RAD50: variants seen among roughly 807,000 people sequenced by gnomAD.
RAD50 encodes the protein DNA repair protein RAD50.
A neutral mutation model predicts 168.8 loss-of-function variants in RAD50; 132 were observed. The ratio of observed to expected loss-of-function variants is 0.78; its 90% CI spans 0.68 to 0.90. The LOEUF is 0.90. RAD50 is among the 40% of genes least tolerant of loss of function. The pLI is 0.00. For synonymous variants in RAD50, 525 were observed against 497.4 expected (o/e 1.06, Z -0.74); for missense variants, 1,347 against 1,534.4 (o/e 0.88, Z 2.04).
At chr5:132,568,066 A>AT (rs1372694524) in intron 2 of RAD50, among the ~76,000 whole-genome samples, 5 of 151,600 alleles carry the variant, frequency 3.3e-5, no homozygotes, top group East Asian at 1.9e-4. Flanking sequence ...TTTTTTTTAA[A>AT]TTTTTTTTAA....
intron 11 of RAD50, 74 bp from the exon 12 acceptor site, chr5:132,594,795 G>T: frequency 7.0e-7 from 1 of 1,434,226 alleles, no homozygotes; most frequent in Non-Finnish European, 9.8e-7. Context: ...AATTTGTCTT[G>T]TTTTTGCCTA....
chr5:132,632,050 C>T (rs905675604), intron 21 of RAD50, among the ~76,000 whole-genome samples: 9 of 152,194 alleles, frequency 5.9e-5, no homozygotes, highest in Admixed American at 5.9e-4. Flanking sequence ...GGAATGACTT[C>T]CATACCTGGG....
chr5:132,624,227 ACTT>A (rs1251588763), intron 21 of RAD50, among the ~76,000 whole-genome samples: 4 of 152,104 alleles, frequency 2.6e-5, no homozygotes, highest in Non-Finnish European at 4.4e-5. Flanking sequence ...TTGTTTTTTA[ACTT>A]CTTTGAATAT....
chr5:132,593,219 A>G, intron 11 of RAD50: 1 of 179,522 alleles, frequency 5.6e-6, no homozygotes. Context: ...ACACTTCACC[A>G]TAAATTTGAT....
In RAD50 at chr5:132,557,095, C is replaced by T; in HGVS notation, c.-230C>T. 4.4e-6 allele frequency: 3 copies of T among 688,848 alleles called. No individual in the cohort carries two copies. Among genetic ancestry groups the T allele is most frequent in the Non-Finnish European group, 7.1e-6 (3 of 420,674 alleles). 42.7% of individuals were successfully genotyped at this position (688,848 alleles called of 1,614,324 possible). A position where few individuals can be genotyped will look rare whatever the true frequency, so the allele number is the denominator to read the frequency against. On this transcript the variant is annotated 5_prime_UTR_variant, in exon 1 of 25. Coordinates refer to ENST00000378823, the MANE Select transcript of RAD50 (RefSeq NM_005732.4). ...CCAGGCTGGTCCCCGCCTCCGCTCT[C>T]CCCACCGGCGGGGAAAGCAGCTGGT... is the stretch of plus-strand genomic sequence containing the variant.
intron 13 of RAD50, among the ~76,000 whole-genome samples, chr5:132,596,126 T>C (rs577011138): frequency 2.6e-5 from 4 of 152,224 alleles, no homozygotes; most frequent in Admixed American, 2.6e-4. Flanking sequence ...CTTCAGTAGC[T>C]GGGATTACAG....
At chr5:132,600,634 A>C (rs1368467835) in intron 13 of RAD50, among the ~76,000 whole-genome samples, 1 of 152,216 alleles carries the variant, frequency 6.6e-6, no homozygotes, top group African/African-American at 2.4e-5. Flanking sequence ...AGATTCATTT[A>C]TTATAGCACC....
At chr5:132,625,449 T>C (rs1751359122) in intron 21 of RAD50, among the ~76,000 whole-genome samples, 1 of 152,236 alleles carries the variant, frequency 6.6e-6, no homozygotes, top group South Asian at 2.1e-4. Flanking sequence ...GGTATATTTA[T>C]GTGGTACGTG....
intron 21 of RAD50, among the ~76,000 whole-genome samples, chr5:132,623,719 T>C (rs996589418): frequency 6.6e-6 from 1 of 152,226 alleles, no homozygotes; most frequent in Non-Finnish European, 1.5e-5. Context: ...GGTTGTTTTT[T>C]CCAGAATGGC....
rs1391385866 is a variant in RAD50, at chr5:132,644,592, A to C, written c.*2228A>C. On this transcript the variant is annotated 3_prime_UTR_variant, in exon 25 of 25. Coordinates refer to ENST00000378823, the MANE Select transcript of RAD50 (RefSeq NM_005732.4). The stretch of plus-strand genomic sequence containing the variant: ...CTTGCCACCTACTAAATACTGTGTA[A>C]GTGTTCAAGAAAAAGCTGTCTTCAT... 1 of 182,454 alleles carries C rather than the reference A, an allele frequency of 5.5e-6. No individual in the cohort carries two copies. The highest frequency in any genetic ancestry group is 6.3e-5 in the Admixed American group (1 of 15,992). 11.3% of individuals were successfully genotyped at this position (182,454 alleles called of 1,614,324 possible).
At chr5:132,560,073 CACACATAT>C (rs1210658050) in intron 2 of RAD50, among the ~76,000 whole-genome samples, 4 of 149,318 alleles carry the variant, frequency 2.7e-5, no homozygotes, top group African/African-American at 1.0e-4. Context: ...CACACACACA[CACACATAT>C]ATATATAGTT....
In RAD50 at chr5:132,637,207, A is replaced by G. The variant is rs1308559313; in HGVS notation, c.3475+7A>G. 6.2e-7 allele frequency: 1 copy of G among 1,609,626 alleles called. No homozygotes were observed. The highest frequency in any genetic ancestry group is 1.1e-5 in the South Asian group (1 of 91,006). On this transcript the variant is annotated splice_region_variant and intron_variant, in intron 22 of 24. Transcript: ENST00000378823. ...AGTACCTATCGTGGACAAGGTGAGTACCATGGTGTATCACAAATGCTCTTT... is the reference window on the plus strand; with the variant it reads ...AGTACCTATCGTGGACAAGGTGAGTGCCATGGTGTATCACAAATGCTCTTT...
chr5:132,602,637 C>G (rs1193488734), intron 13 of RAD50, among the ~76,000 whole-genome samples: 1 of 152,036 alleles, frequency 6.6e-6, no homozygotes, highest in Non-Finnish European at 1.5e-5. Flanking sequence ...TCATATATAT[C>G]CCTCATCCAG....
At chr5:132,598,320 G>A (rs1750828206) in intron 13 of RAD50, among the ~76,000 whole-genome samples, 2 of 152,310 alleles carry the variant, frequency 1.3e-5, no homozygotes, top group African/African-American at 4.8e-5. Flanking sequence ...AAAGTGCTGG[G>A]ATTACAGGCG....
chr5:132,641,873 A>C (rs1378345829), intron 24 of RAD50: 1 of 332,904 alleles, frequency 3.0e-6, no homozygotes, highest in Non-Finnish European at 5.5e-6. Context: ...AAACTCAATA[A>C]AATATTTATA....
intron 21 of RAD50, among the ~76,000 whole-genome samples, chr5:132,634,234 C>T (rs1157085357): frequency 6.6e-6 from 1 of 152,130 alleles, no homozygotes; most frequent in Non-Finnish European, 1.5e-5. Context: ...CAATCATTTC[C>T]TTTTATCCTA....
At chr5:132,633,098 C>CTTTTTTT (rs34616055) in intron 21 of RAD50, among the ~76,000 whole-genome samples, 97 of 113,034 alleles carry the variant, frequency 8.6e-4, no homozygotes, top group Non-Finnish European at 1.2e-3. Context: ...TTCGTTTTTT[C>CTTTTTTT]TTTTTTTTTT....
chr5:132,563,369 T>C (rs959202776), intron 2 of RAD50, among the ~76,000 whole-genome samples: 5 of 152,198 alleles, frequency 3.3e-5, no homozygotes, highest in African/African-American at 1.2e-4. Context: ...TTAGGCAGAT[T>C]ATATGATTGG....
rs1240957547 is a variant in RAD50 at position 132,643,065 on chromosome 5, C to T, written c.*701C>T. 5.7e-6 allele frequency: 3 copies of T among 529,830 alleles called. No homozygotes were observed. Among genetic ancestry groups the T allele is most frequent in the Non-Finnish European group, 1.1e-5 (3 of 262,968 alleles). The allele number at this position is 529,830 out of a possible 1,614,324, so 32.8% of individuals were successfully genotyped here. On this transcript the variant is annotated 3_prime_UTR_variant, in exon 25 of 25. Transcript: ENST00000378823. The stretch of plus-strand genomic sequence containing the variant: ...GGAAATTCTCCACTGTGCACACCCA[C>T]CTTTGGAAAGCTCTGACCACTTGAG...
Sources: allele counts gnomAD v4.1 joint callset (sites outside exome capture counted in the v4.1 genomes callset), GRCh38; gene constraint gnomAD v4.1.1; transcripts MANE v1.5; gene names NCBI Gene and HGNC (gene_info 2026-07-23, HGNC 2026-07-21).